Variants in P2RY6 observed in about 807,000 individuals in gnomAD.
P2RY6 encodes the protein pyrimidinergic receptor P2Y6.
Under a neutral mutation model 16.3 loss-of-function variants are expected in P2RY6, and 19 were observed. The observed-to-expected ratio is 1.16, with a 90% CI of 0.81 to 1.71. The LOEUF (loss-of-function observed/expected upper bound fraction) is 1.71, where lower values mean the gene tolerates loss of function less well. Ranked by LOEUF, P2RY6 falls within the 40% of genes most tolerant of loss-of-function variation. The pLI, the probability that P2RY6 is intolerant of heterozygous loss-of-function variation, is 0.00. For missense variants in P2RY6, 389 were observed against 455.5 expected, an observed-to-expected ratio of 0.85 and a Z score of 1.33; for synonymous variants, 184 against 201.5, an observed-to-expected ratio of 0.91 and a Z score of 0.74.
chr11:73,273,497 G>C (rs1317754036), intron 1 of P2RY6, among the ~76,000 whole-genome samples: 1 of 152,058 alleles, frequency 6.6e-6, no homozygotes, highest in East Asian at 1.9e-4. Flanking sequence ...TGGGTGGGTG[G>C]AACTCTACAC....
Position 73,297,416 on chromosome 11 carries a change from C to T in P2RY6, c.898C>T (p.Leu300Phe). The T allele has an allele frequency of 1.2e-6, 2 of 1,612,554 alleles. No individual in the cohort carries two copies. Among genetic ancestry groups the T allele is most frequent in the Non-Finnish European group, 1.7e-6 (2 of 1,179,998 alleles). ...ASANSVLDPI[L>F]FYFTQKKFRR... ...TGCCAACAGCGTGCTGGACCCCATC[C>T]TCTTCTACTTCACCCAGAAGAAGTT... is the stretch of plus-strand genomic sequence containing the variant. Residue 300 changes from leucine to phenylalanine, a missense_variant, in exon 3 of 3, where the codon CTC becomes TTC. Transcript: ENST00000540124.
intron 2 of P2RY6, 39 bp from the exon 3 acceptor site, chr11:73,296,446 G>A: frequency 2.6e-6 from 4 of 1,552,374 alleles, no homozygotes; most frequent in Non-Finnish European, 3.5e-6. Context: ...TGGGTGGTGA[G>A]TGAGCATGTC....
At chr11:73,287,506 G>T (rs1297954459) in intron 1 of P2RY6, among the ~76,000 whole-genome samples, 2 of 152,230 alleles carry the variant, frequency 1.3e-5, no homozygotes, top group African/African-American at 4.8e-5. Flanking sequence ...ATAAGAGGGG[G>T]TCTGGGAACT....
At chr11:73,289,102 G>A (rs1422226450) in intron 1 of P2RY6, among the ~76,000 whole-genome samples, 4 of 152,234 alleles carry the variant, frequency 2.6e-5, no homozygotes. Context: ...AGGGGATTGG[G>A]GAGGCTGTGG....
In P2RY6 at chr11:73,283,598, A is replaced by T. The variant is rs79912394; in HGVS notation, c.-121+11132A>T. On this transcript the variant is annotated intron_variant, in intron 1 of 2. Coordinates refer to ENST00000540124, the MANE Select transcript of P2RY6 (RefSeq NM_001277204.2). ...GATCACTTTGGAGATTTCCTTGTGGATGGAGCTCAGACAGTTGCTGGCTCC... is the reference window on the plus strand; with the variant it reads ...GATCACTTTGGAGATTTCCTTGTGGTTGGAGCTCAGACAGTTGCTGGCTCC... 1.8e-3 allele frequency among the ~76,000 whole-genome samples: 277 copies of T among 152,304 alleles called. 2 individuals are homozygous for T. The East Asian group carries it at 0.047, about 26-fold the overall frequency.
At chr11:73,291,305 C>A (rs1234952550) in intron 1 of P2RY6, among the ~76,000 whole-genome samples, 1 of 152,212 alleles carries the variant, frequency 6.6e-6, no homozygotes, top group African/African-American at 2.4e-5. Context: ...TTGCCCTGCC[C>A]TGCCTTGGGG....
At position 73,296,909 on chromosome 11, in the gene P2RY6, C is replaced by A. The variant is rs562668106; in HGVS notation, c.391C>A (p.Pro131Thr). 4.5e-5 allele frequency: 73 copies of A among 1,609,200 alleles called. No homozygotes were observed. The highest frequency in any genetic ancestry group is 6.0e-5 in the Non-Finnish European group (71 of 1,180,026). ...SFQRYLGICH[P>T]LAPWHKRGGR... ...CCAGCGCTACCTGGGCATCTGCCAC[C>A]CGCTGGCCCCCTGGCACAAACGTGG... The change falls in exon 3 of 3, where the codon CCG becomes ACG. Residue 131 changes from proline to threonine, a missense_variant. Physicochemically the swap from Pro to Thr is conservative, Grantham distance 38 (BLOSUM62 -1). Transcript: ENST00000540124.
At chr11:73,284,873 A>T (rs1408655113) in intron 1 of P2RY6, among the ~76,000 whole-genome samples, 3 of 152,224 alleles carry the variant, frequency 2.0e-5, no homozygotes, top group Non-Finnish European at 2.9e-5. Context: ...TTCAGTCATG[A>T]GAGAGAGACA....
Position 73,297,406 on chromosome 11 carries a change from G to A in P2RY6, c.888G>A (p.Leu296=). 1 of 1,612,442 alleles carries A rather than the reference G, an allele frequency of 6.2e-7. No individual in the cohort carries two copies. The highest frequency in any genetic ancestry group is 8.5e-7 in the Non-Finnish European group (1 of 1,180,012). The change falls in exon 3 of 3, where the codon CTG becomes CTA. Residue 296 remains leucine, a synonymous_variant. Coordinates refer to ENST00000540124, the MANE Select transcript of P2RY6 (RefSeq NM_001277204.2). The part of the protein sequence containing the change: ...TRPFASANSV[L]DPILFYFTQK... ...CGTTTGCCAGTGCCAACAGCGTGCT[G>A]GACCCCATCCTCTTCTACTTCACCC...
At chr11:73,293,095 G>C (rs1440782858) in intron 1 of P2RY6, among the ~76,000 whole-genome samples, 1 of 152,148 alleles carries the variant, frequency 6.6e-6, no homozygotes, top group African/African-American at 2.4e-5. Flanking sequence ...CAGCTGGGGG[G>C]ATAAAAAAAG....
intron 1 of P2RY6, among the ~76,000 whole-genome samples, chr11:73,280,391 G>A (rs1863709985): frequency 1.3e-5 from 2 of 152,186 alleles, no homozygotes; most frequent in East Asian, 3.8e-4. Context: ...ATCATTATTA[G>A]TTTGGGCCTC....
intron 1 of P2RY6, among the ~76,000 whole-genome samples, chr11:73,277,470 C>T (rs570711326): frequency 3.3e-5 from 5 of 152,296 alleles, no homozygotes; most frequent in Admixed American, 1.3e-4. Flanking sequence ...GTAATTTGAC[C>T]ACATTTCCAA....
At chr11:73,278,479 A>C (rs1460348197) in intron 1 of P2RY6, among the ~76,000 whole-genome samples, 1 of 152,070 alleles carries the variant, frequency 6.6e-6, no homozygotes, top group Non-Finnish European at 1.5e-5. Context: ...GGACTTTTTA[A>C]AGTCATCCAC....
upstream of P2RY6, among the ~76,000 whole-genome samples, chr11:73,271,189 C>T (rs1164582532): frequency 1.3e-5 from 2 of 152,126 alleles, no homozygotes; most frequent in Non-Finnish European, 2.9e-5. Flanking sequence ...GTAGAGCCGC[C>T]CGGGCTGCCT....
chr11:73,290,198 G>T (rs1428569953), intron 1 of P2RY6, among the ~76,000 whole-genome samples: 1 of 151,408 alleles, frequency 6.6e-6, no homozygotes, highest in Non-Finnish European at 1.5e-5. Context: ...CTCCAGCCTG[G>T]GCAACAAGAG....
upstream of P2RY6, among the ~76,000 whole-genome samples, chr11:73,269,046 G>A (rs1057275093): frequency 6.6e-6 from 1 of 152,228 alleles, no homozygotes; most frequent in African/African-American, 2.4e-5. Flanking sequence ...CAGGAAGGAA[G>A]ACACTAGGAC....
intron 1 of P2RY6, chr11:73,292,972 G>T: frequency 3.6e-6 from 1 of 278,066 alleles, no homozygotes; most frequent in Non-Finnish European, 5.4e-6. Flanking sequence ...GTTGCGGGGG[G>T]TGGGGGGGGG....
At position 73,297,063 on chromosome 11, in the gene P2RY6, C is replaced by G; in HGVS notation, c.545C>G (p.Pro182Arg). 2 of 1,601,496 alleles carry G rather than the reference C, an allele frequency of 1.2e-6. No homozygotes were observed. Among genetic ancestry groups the G allele is most frequent in the Non-Finnish European group, 1.7e-6 (2 of 1,179,944 alleles). The change falls in exon 3 of 3, where the codon CCG becomes CGG. Residue 182 changes from proline (P) to arginine (R), a missense_variant. Physicochemically the swap from Pro to Arg is moderately radical, Grantham distance 103 (BLOSUM62 -2). Coordinates refer to ENST00000540124, the MANE Select transcript of P2RY6 (RefSeq NM_001277204.2). ...RNRTVCYDLS[P>R]PALATHYMPY... ...CGCACTGTCTGCTATGACCTCAGCC[C>G]GCCTGCCCTGGCCACCCACTATATG...
chr11:73,270,284 G>A (rs2135683319), upstream of P2RY6: 1 of 152,364 alleles, frequency 6.6e-6, no homozygotes, highest in East Asian at 1.9e-4. Context: ...ATGAGCTGGG[G>A]TTGCAAGGAA....
Sources: allele counts gnomAD v4.1 joint callset (sites outside exome capture counted in the v4.1 genomes callset), GRCh38; gene constraint gnomAD v4.1.1; transcripts MANE v1.5; gene names NCBI Gene and HGNC (gene_info 2026-07-23, HGNC 2026-07-21).